Variants in MNAT1 observed in about 807,000 individuals in gnomAD.
MNAT1 encodes MNAT1 component of CDK activating kinase.
Under a neutral mutation model 42.0 loss-of-function variants are expected in MNAT1, and 43 were observed. The observed-to-expected ratio is 1.02, with a 90% CI of 0.80 to 1.32. The LOEUF (loss-of-function observed/expected upper bound fraction) is 1.32. Ranked by LOEUF, MNAT1 falls within the 40% of genes most tolerant of loss-of-function variation. The pLI is 0.00. For synonymous variants in MNAT1, 118 were observed against 120.0 expected, an observed-to-expected ratio of 0.98 and a Z score of 0.11; for missense variants, 306 against 350.4, an observed-to-expected ratio of 0.87 and a Z score of 1.01.
At chr14:60,919,498 TGA>T (rs2035606458) in intron 7 of MNAT1, 1 of 152,940 alleles carries the variant, frequency 6.5e-6, no homozygotes, top group African/African-American at 2.4e-5. Flanking sequence ...GTCTTTTTGG[TGA>T]GGTCCAGGTA....
At chr14:60,941,200 G>T (rs1245381366) in intron 7 of MNAT1, among the ~76,000 whole-genome samples, 2 of 152,094 alleles carry the variant, frequency 1.3e-5, no homozygotes, top group Middle Eastern at 3.2e-3. Flanking sequence ...TTACTGTTTT[G>T]TTCCTCATCT....
intron 6 of MNAT1, among the ~76,000 whole-genome samples, chr14:60,867,415 T>C (rs1008881374): frequency 2.0e-5 from 3 of 152,110 alleles, no homozygotes; most frequent in Non-Finnish European, 4.4e-5. Context: ...TATGTCACCA[T>C]TAGAATGCTT....
At chr14:60,817,866 A>ATC (rs1325231148) in intron 5 of MNAT1, among the ~76,000 whole-genome samples, 1 of 151,362 alleles carries the variant, frequency 6.6e-6, no homozygotes, top group Non-Finnish European at 1.5e-5. Context: ...AAAATTCTCA[A>ATC]TCTCTCTCTC....
intron 6 of MNAT1, among the ~76,000 whole-genome samples, chr14:60,867,441 A>G (rs2034229826): frequency 1.3e-5 from 2 of 152,186 alleles, no homozygotes; most frequent in South Asian, 2.1e-4. Flanking sequence ...AGCCTACCAT[A>G]TATGTATCTT....
At chr14:60,847,912 C>T (rs188216240) in intron 6 of MNAT1, among the ~76,000 whole-genome samples, 1 of 151,994 alleles carries the variant, frequency 6.6e-6, no homozygotes, top group Non-Finnish European at 1.5e-5. Context: ...TAAGATTAAC[C>T]ATACAGTTTT....
intron 1 of MNAT1, among the ~76,000 whole-genome samples, chr14:60,787,984 A>G (rs2031704180): frequency 1.3e-5 from 2 of 152,120 alleles, no homozygotes; most frequent in South Asian, 2.1e-4. Flanking sequence ...TGAATCACAC[A>G]TGTTCTTAAT....
chr14:60,800,117 TTGTAGTTA>T (rs1312718579), intron 3 of MNAT1, among the ~76,000 whole-genome samples: 5 of 152,152 alleles, frequency 3.3e-5, no homozygotes, highest in African/African-American at 9.7e-5. Flanking sequence ...GTACTTGTTA[TTGTAGTTA>T]TGTAGTTATG....
At position 60,969,663 on chromosome 14, in the gene MNAT1, TA is replaced by T. The variant is rs2036746833; in HGVS notation, c.*1315del. 2 of 152,128 alleles carry T rather than the reference TA, an allele frequency of 1.3e-5. No individual in the cohort carries two copies. Among genetic ancestry groups the T allele is most frequent in the South Asian group, 4.1e-4 (2 of 4,828 alleles). The allele number at this position is 152,128 out of a possible 1,614,324, so 9.4% of individuals were successfully genotyped here. A position where few individuals can be genotyped will look rare whatever the true frequency, so the allele number is the denominator to read the frequency against. ...ATATCCTATTCCTGTATCTATTAGGTATTCCCGAACTGAGGATTAGTGTTTT... is the reference window on the plus strand; with the variant it reads ...ATATCCTATTCCTGTATCTATTAGGTTTCCCGAACTGAGGATTAGTGTTTT... On this transcript the variant is annotated 3_prime_UTR_variant, in exon 8 of 8. Coordinates refer to ENST00000261245, the MANE Select transcript of MNAT1 (RefSeq NM_002431.4).
At chr14:60,958,034 T>C (rs1246032167) in intron 7 of MNAT1, among the ~76,000 whole-genome samples, 1 of 152,138 alleles carries the variant, frequency 6.6e-6, no homozygotes, top group Non-Finnish European at 1.5e-5. Flanking sequence ...ACAAGGTTTC[T>C]CCATGTTGGT....
chr14:60,841,240 C>T (rs1011261138), intron 6 of MNAT1, among the ~76,000 whole-genome samples: 9 of 151,506 alleles, frequency 5.9e-5, no homozygotes, highest in Admixed American at 4.6e-4. Flanking sequence ...CACTCTCTGT[C>T]TCTCCTTTGT....
At chr14:60,915,701 T>G (rs1594868948) in intron 7 of MNAT1, among the ~76,000 whole-genome samples, 1 of 152,248 alleles carries the variant, frequency 6.6e-6, no homozygotes, top group South Asian at 2.1e-4. Flanking sequence ...GTAGCTGCTT[T>G]GCTAATTTGT....
At chr14:60,854,829 G>C (rs2033915315) in intron 6 of MNAT1, among the ~76,000 whole-genome samples, 2 of 152,260 alleles carry the variant, frequency 1.3e-5, no homozygotes, top group African/African-American at 4.8e-5. Context: ...CTGGTGCACT[G>C]TGCTGGGAGA....
intron 7 of MNAT1, among the ~76,000 whole-genome samples, chr14:60,929,616 A>G (rs2035843687): frequency 6.6e-6 from 1 of 152,088 alleles, no homozygotes; most frequent in African/African-American, 2.4e-5. Flanking sequence ...TAGTATAAGC[A>G]AAGCTTTTTG....
At chr14:60,884,482 G>C (rs934771588) in intron 7 of MNAT1, among the ~76,000 whole-genome samples, 3 of 151,962 alleles carry the variant, frequency 2.0e-5, no homozygotes, top group Admixed American at 2.0e-4. Flanking sequence ...ATTTTGTTGA[G>C]GCTTGCAAAC....
intron 6 of MNAT1, among the ~76,000 whole-genome samples, chr14:60,852,348 C>T (rs1286097836): frequency 6.6e-6 from 1 of 152,126 alleles, no homozygotes; most frequent in African/African-American, 2.4e-5. Flanking sequence ...AAGTGTCTTT[C>T]ATATCCTTTG....
intron 5 of MNAT1, among the ~76,000 whole-genome samples, chr14:60,813,118 C>A (rs1376716769): frequency 2.0e-5 from 3 of 152,178 alleles, no homozygotes; most frequent in Non-Finnish European, 2.9e-5. Context: ...GGCCCCCTCA[C>A]CTGGGCACTG....
intron 1 of MNAT1, chr14:60,780,491 CCA>C: frequency 1.3e-6 from 2 of 1,515,778 alleles, no homozygotes; most frequent in South Asian, 2.2e-5. Context: ...AGAGTCGGGA[CCA>C]CAGTTTATTA....
intron 6 of MNAT1, among the ~76,000 whole-genome samples, chr14:60,859,678 A>G (rs926763142): frequency 6.6e-6 from 1 of 152,322 alleles, no homozygotes; most frequent in African/African-American, 2.4e-5. Context: ...TTTAAGCAAT[A>G]GTATAATCAG....
chr14:60,926,260 C>A (rs116709441), intron 7 of MNAT1, among the ~76,000 whole-genome samples: 3 of 152,208 alleles, frequency 2.0e-5, no homozygotes, highest in Non-Finnish European at 2.9e-5. Context: ...GTTTTCCCCC[C>A]ACACACCAAC....
Sources: gnomAD v4.1 joint callset for allele counts (sites outside exome capture counted in the v4.1 genomes callset) on GRCh38, gnomAD v4.1.1 for gene constraint, MANE v1.5 for transcripts, NCBI Gene and HGNC (gene_info 2026-07-23, HGNC 2026-07-21) for gene names.